The following PCDHGA9 variants were observed in gnomAD, a reference collection of about 807,000 sequenced individuals.
The protein encoded by PCDHGA9 is protocadherin gamma-A9.
PCDHGA9 carries 37 observed loss-of-function variants against 62.5 expected under a neutral mutation model. That is an observed-to-expected ratio of 0.59 (90% confidence interval 0.46 to 0.78). The LOEUF (loss-of-function observed/expected upper bound fraction) is 0.78, where lower values mean the gene tolerates loss of function less well. Ranked by LOEUF, PCDHGA9 falls within the 30% of genes least tolerant of loss-of-function variation. The pLI is 0.00. For synonymous variants in PCDHGA9, 459 were observed against 484.6 expected (o/e 0.95, Z 0.69); for missense variants, 1,138 against 1,166.2 (o/e 0.98, Z 0.35).
rs2097423534 is a variant in PCDHGA9 at position 141,431,850 on chromosome 5, C to A, written c.2424+26474C>A. 6.2e-7 allele frequency: 1 copy of A among 1,614,234 alleles called. No individual in the cohort carries two copies. ...GTTCCCGAAAACTCTCCCAGAGGGA[C>A]ATTAATTGCCCTTTTAAATGTAAAT... On this transcript the variant is annotated intron_variant, in intron 1 of 3. Coordinates refer to ENST00000573521, the MANE Select transcript of PCDHGA9 (RefSeq NM_018921.3). This position sits in a 1 kb window ranked among gnomAD's most constrained non-coding sequence, Gnocchi z 4.8.
At chr5:141,503,736 T>C (rs1381045077) in intron 2 of PCDHGA9, among the ~76,000 whole-genome samples, 4 of 152,202 alleles carry the variant, frequency 2.6e-5, no homozygotes, top group African/African-American at 9.6e-5. Context: ...TTTGTTGTGA[T>C]GGTATAGAGG....
At position 141,485,532 on chromosome 5, in the gene PCDHGA9, A is replaced by C. The variant is rs1360942348; in HGVS notation, c.2425-9275A>C. 6.2e-7 allele frequency: 1 copy of C among 1,614,108 alleles called. No individual in the cohort carries two copies. The highest frequency in any genetic ancestry group is 1.7e-5 in the Admixed American group (1 of 60,000). ...GGTCCTTTGGAAATGTACCGAGCAG[A>C]GGTAGAGATCGTAGATGTGAATGAT... On this transcript the variant is annotated intron_variant, in intron 1 of 3. Transcript: ENST00000573521. This position sits in a 1 kb window ranked among gnomAD's most constrained non-coding sequence, Gnocchi z 5.7.
At chr5:141,455,185 T>C (rs1334330699) in intron 1 of PCDHGA9, among the ~76,000 whole-genome samples, 1 of 152,064 alleles carries the variant, frequency 6.6e-6, no homozygotes, top group Admixed American at 6.6e-5. Flanking sequence ...TTTTTATTTC[T>C]CTACAAATTT....
At position 141,489,125 on chromosome 5, in the gene PCDHGA9, G is replaced by T. The variant is rs537146985; in HGVS notation, c.2425-5682G>T. 1.1e-4 allele frequency: 77 copies of T among 728,124 alleles called. No individual in the cohort carries two copies. The East Asian group carries it at 1.9e-3, about 18-fold the overall frequency. 45.1% of individuals were successfully genotyped at this position (728,124 alleles called of 1,614,324 possible). A position where few individuals can be genotyped will look rare whatever the true frequency, so the allele number is the denominator to read the frequency against. ...CTGCAAGCAGGCAAACCTCCGAGCAGTTTTTAAGAGGCTGGAAGGAGACAT... is the reference window on the plus strand; with the variant it reads ...CTGCAAGCAGGCAAACCTCCGAGCATTTTTTAAGAGGCTGGAAGGAGACAT... On this transcript the variant is annotated intron_variant, in intron 1 of 3. Coordinates refer to ENST00000573521, the MANE Select transcript of PCDHGA9 (RefSeq NM_018921.3). The surrounding 1 kb of genome is among the most constrained non-coding windows in gnomAD (Gnocchi z 4.5).
intron 1 of PCDHGA9, among the ~76,000 whole-genome samples, chr5:141,479,060 T>G (rs980468382): frequency 5.9e-5 from 9 of 152,248 alleles, no homozygotes; most frequent in Non-Finnish European, 1.3e-4. Context: ...CAGATAATTT[T>G]TTATGAATGA....
rs1307550469 is a variant in PCDHGA9 at position 141,403,344 on chromosome 5, C to T, written c.392C>T (p.Pro131Leu). The change falls in exon 1 of 4, where the codon CCA becomes CTA. Residue 131 changes from proline to leucine, a missense_variant. Coordinates refer to ENST00000573521, the MANE Select transcript of PCDHGA9 (RefSeq NM_018921.3). ...GTAACTGATATTAACGACAGCGCCC[C>T]AAAGTTCCAGGCCGAAAGTCTGGAA... ...IEVTDINDSA[P>L]KFQAESLEVK... 6.2e-6 allele frequency: 10 copies of T among 1,613,916 alleles called. No individual in the cohort carries two copies. The highest frequency in any genetic ancestry group is 8.5e-6 in the Non-Finnish European group (10 of 1,179,916).
At chr5:141,453,287 A>ATTT (rs2098760771) in intron 1 of PCDHGA9, among the ~76,000 whole-genome samples, 3 of 151,368 alleles carry the variant, frequency 2.0e-5, no homozygotes, top group African/African-American at 7.3e-5. Flanking sequence ...CTAATTTTTT[A>ATTT]ATTATTTATT....
intron 1 of PCDHGA9, among the ~76,000 whole-genome samples, chr5:141,456,460 C>G (rs1444956833): frequency 6.6e-6 from 1 of 152,002 alleles, no homozygotes; most frequent in East Asian, 1.9e-4. Context: ...AATATCAATA[C>G]AAGACATATA....
At position 141,490,591 on chromosome 5, in the gene PCDHGA9, G is replaced by A; in HGVS notation, c.2425-4216G>A. 1 of 1,614,100 alleles carries A rather than the reference G, an allele frequency of 6.2e-7. No homozygotes were observed. Among genetic ancestry groups the A allele is most frequent in the African/African-American group, 1.3e-5 (1 of 75,016 alleles). ...CAACATTTCAGATGTCAATGACAAT[G>A]CACCCCGCTTCAACCAGCAGCTTTA... On this transcript the variant is annotated intron_variant, in intron 1 of 3. Coordinates refer to ENST00000573521, the MANE Select transcript of PCDHGA9 (RefSeq NM_018921.3). This position sits in a 1 kb window ranked among gnomAD's most constrained non-coding sequence, Gnocchi z 5.4.
At chr5:141,454,283 T>G (rs2098785864) in intron 1 of PCDHGA9, among the ~76,000 whole-genome samples, 1 of 152,134 alleles carries the variant, frequency 6.6e-6, no homozygotes, top group Non-Finnish European at 1.5e-5. Flanking sequence ...AACTTCACAT[T>G]AAAGGAACTC....
intron 1 of PCDHGA9, chr5:141,427,507 T>A: frequency 1.7e-6 from 1 of 584,928 alleles, no homozygotes; most frequent in Non-Finnish European, 3.2e-6. Context: ...GATGGGACCC[T>A]GGATTGGGAG....
chr5:141,460,795 G>GTA (rs2154567069), intron 1 of PCDHGA9, among the ~76,000 whole-genome samples: 1 of 151,608 alleles, frequency 6.6e-6, no homozygotes, highest in East Asian at 1.9e-4. Flanking sequence ...TACACACAAA[G>GTA]TATATATATG....
intron 1 of PCDHGA9, chr5:141,423,640 T>C: frequency 6.3e-7 from 1 of 1,597,848 alleles, no homozygotes; most frequent in Non-Finnish European, 8.5e-7. Flanking sequence ...TTTAGGCAAA[T>C]GTGACCCGAC....
rs1453419469 is a variant in PCDHGA9, at chr5:141,505,501, G to A, written c.2572+20G>A. On this transcript the variant is annotated intron_variant, in intron 3 of 3. Transcript: ENST00000573521. ...CCAGTGGTAAGTGGTGTCAGTGTGT[G>A]TATGGAAGAGTGGGAGACCTGGGGT... The A allele has an allele frequency of 1.2e-6, 2 of 1,614,156 alleles. No homozygotes were observed. Among genetic ancestry groups the A allele is most frequent in the Non-Finnish European group, 1.7e-6 (2 of 1,179,970 alleles).
chr5:141,423,230 G>C (rs1223173152), intron 1 of PCDHGA9: 1 of 1,613,872 alleles, frequency 6.2e-7, no homozygotes, highest in Admixed American at 1.7e-5. Context: ...GTGGCCGACA[G>C]CATCCCCGAA....
At chr5:141,419,192 G>C (rs772847766) in intron 1 of PCDHGA9, 2 of 1,613,934 alleles carry the variant, frequency 1.2e-6, no homozygotes, top group Admixed American at 1.7e-5. Context: ...CATTACTGAC[G>C]TCAATGACAA....
At chr5:141,420,341 G>A in intron 1 of PCDHGA9, 5 of 1,391,412 alleles carry the variant, frequency 3.6e-6, no homozygotes, top group Middle Eastern at 1.9e-4. Context: ...CAATATAGTG[G>A]TATTATTTTA....
intron 1 of PCDHGA9, among the ~76,000 whole-genome samples, chr5:141,473,773 T>C (rs1473510505): frequency 6.6e-6 from 1 of 152,254 alleles, no homozygotes; most frequent in Non-Finnish European, 1.5e-5. Context: ...GGATTTGGTA[T>C]TTTAATTCAA....
chr5:141,419,175 C>A lies in PCDHGA9; in HGVS notation c.2424+13799C>A, dbSNP rs185228661. On this transcript the variant is annotated intron_variant, in intron 1 of 3. Transcript: ENST00000573521. Reference sequence around the variant, plus strand: ...CCGTTATCCTCCAGCAAAACCATAACCCTGCACATTACTGACGTCAATGAC... The same window carrying A: ...CCGTTATCCTCCAGCAAAACCATAAACCTGCACATTACTGACGTCAATGAC... The A allele has an allele frequency of 5.2e-4, 837 of 1,613,966 alleles. 3 individuals carry two copies. Among genetic ancestry groups the A allele is most frequent in the Non-Finnish European group, 9.3e-5 (110 of 1,179,894 alleles).
Sources: allele counts gnomAD v4.1 joint callset (sites outside exome capture counted in the v4.1 genomes callset), GRCh38; gene constraint gnomAD v4.1.1; non-coding constraint Gnocchi (gnomAD v3.1); transcripts MANE v1.5; gene names NCBI Gene and HGNC (gene_info 2026-07-23, HGNC 2026-07-21).